The following WNT2 variants were observed in gnomAD, a reference collection of about 807,000 sequenced individuals.
WNT2 encodes Wnt family member 2.
WNT2 carries 12 observed loss-of-function variants against 36.9 expected under a neutral mutation model. That is an observed-to-expected ratio of 0.33 (90% CI 0.21 to 0.53). The LOEUF (loss-of-function observed/expected upper bound fraction) is 0.53. WNT2 is among the 20% of genes least tolerant of loss of function. WNT2 has a pLI of 0.95. For missense variants in WNT2, 379 were observed against 473.1 expected (o/e 0.80, Z 1.84); for synonymous variants, 163 against 174.6 (o/e 0.93, Z 0.52).
In WNT2 at chr7:117,315,051, G is replaced by GCA; in HGVS notation, c.588+18_588+19dup. ...TAAAGCCATGCAGCCTACAAAATGA[G>GCA]CACCGTTGCATTTCCATACCTTCCT... On this transcript the variant is annotated intron_variant, in intron 3 of 4. Coordinates refer to ENST00000265441, the MANE Select transcript of WNT2 (RefSeq NM_003391.3). The GCA allele has an allele frequency of 6.2e-7, 1 of 1,611,634 alleles. No individual in the cohort carries two copies. Among genetic ancestry groups the GCA allele is most frequent in the Non-Finnish European group, 8.5e-7 (1 of 1,178,564 alleles).
At chr7:117,292,956 C>A (rs1241245936) in intron 4 of WNT2, among the ~76,000 whole-genome samples, 1 of 151,990 alleles carries the variant, frequency 6.6e-6, no homozygotes. Flanking sequence ...ATTTTTCAAA[C>A]TTTGAGGTGT....
intron 3 of WNT2, among the ~76,000 whole-genome samples, chr7:117,304,055 CT>C (rs1180689003): frequency 1.3e-5 from 2 of 152,174 alleles, no homozygotes; most frequent in Non-Finnish European, 2.9e-5. Flanking sequence ...TGTATTCCTC[CT>C]TTTTGCTGCA....
chr7:117,278,595 G>A (rs557864688), intron 4 of WNT2, among the ~76,000 whole-genome samples: 17 of 152,216 alleles, frequency 1.1e-4, no homozygotes, highest in African/African-American at 2.9e-4. Context: ...TGAGAGGGCC[G>A]AGTCCCAAAA....
At chr7:117,316,209 G>T (rs1795213947) in intron 2 of WNT2, among the ~76,000 whole-genome samples, 1 of 152,148 alleles carries the variant, frequency 6.6e-6, no homozygotes, top group South Asian at 2.1e-4. Flanking sequence ...TAGAGCACAG[G>T]CTACTTTCAC....
intron 4 of WNT2, among the ~76,000 whole-genome samples, chr7:117,290,311 G>A (rs1430666187): frequency 6.6e-6 from 1 of 152,192 alleles, no homozygotes; most frequent in East Asian, 1.9e-4. Flanking sequence ...AGTTATTGGA[G>A]CAGGAGGAAA....
chr7:117,282,852 G>C (rs1676962638), intron 4 of WNT2, among the ~76,000 whole-genome samples: 1 of 152,200 alleles, frequency 6.6e-6, no homozygotes, highest in Non-Finnish European at 1.5e-5. Flanking sequence ...CAGACTCTGG[G>C]CAGGACATGA....
chr7:117,318,655 A>C (rs1795264701), intron 2 of WNT2, among the ~76,000 whole-genome samples: 1 of 152,166 alleles, frequency 6.6e-6, no homozygotes. Context: ...TTCATTCCTC[A>C]GCCTCCCAAG....
intron 3 of WNT2, among the ~76,000 whole-genome samples, chr7:117,308,396 GC>G (rs1562829074): frequency 6.6e-6 from 1 of 152,074 alleles, no homozygotes; most frequent in Non-Finnish European, 1.5e-5. Context: ...GACTAATGAG[GC>G]AAGTCTAAAA....
At chr7:117,302,370 T>G (rs1584688134) in intron 3 of WNT2, among the ~76,000 whole-genome samples, 1 of 152,342 alleles carries the variant, frequency 6.6e-6, no homozygotes, top group East Asian at 1.9e-4. Context: ...ATGTCAATTT[T>G]TTTAACTTGA....
At chr7:117,316,857 G>A (rs1795229700) in intron 2 of WNT2, among the ~76,000 whole-genome samples, 1 of 152,160 alleles carries the variant, frequency 6.6e-6, no homozygotes, top group African/African-American at 2.4e-5. Flanking sequence ...AAGAGTCCCA[G>A]CTTATACTAT....
In WNT2 at chr7:117,278,051, T is replaced by A; in HGVS notation, c.*104A>T. On this transcript the variant is annotated 3_prime_UTR_variant, in exon 5 of 5. Coordinates refer to ENST00000265441, the MANE Select transcript of WNT2 (RefSeq NM_003391.3). ...GGCTTCCGTTGAGATAAAGGCCACA[T>A]GCCTTAGGAAATATCCCCCCAGAAA... is the stretch of plus-strand genomic sequence containing the variant. 3 of 1,344,612 alleles carry A rather than the reference T, an allele frequency of 2.2e-6. No individual in the cohort carries two copies. Among genetic ancestry groups the A allele is most frequent in the Non-Finnish European group, 3.1e-6 (3 of 964,490 alleles). The allele number at this position is 1,344,612 out of a possible 1,614,324, so 83.3% of individuals were successfully genotyped here.
chr7:117,316,188 T>C (rs191338093), intron 2 of WNT2, among the ~76,000 whole-genome samples: 5 of 152,332 alleles, frequency 3.3e-5, no homozygotes, highest in African/African-American at 4.8e-5. Context: ...TTTCTTAGAA[T>C]TGTTCTTTAT....
chr7:117,278,128 G>C lies in WNT2; in HGVS notation c.*27C>G. On this transcript the variant is annotated 3_prime_UTR_variant, in exon 5 of 5. Coordinates refer to ENST00000265441, the MANE Select transcript of WNT2 (RefSeq NM_003391.3). Reference sequence around the variant, plus strand: ...GATCCAATGGAGTCCTTGTAGAAGGGAAGGTGGATGGTGACGCCTGCTGGG... The same window carrying C: ...GATCCAATGGAGTCCTTGTAGAAGGCAAGGTGGATGGTGACGCCTGCTGGG... The C allele has an allele frequency of 1.9e-6, 3 of 1,611,402 alleles. No homozygotes were observed. Among genetic ancestry groups the C allele is most frequent in the Non-Finnish European group, 2.5e-6 (3 of 1,177,676 alleles).
chr7:117,279,255 A>T (rs569846403), intron 4 of WNT2, among the ~76,000 whole-genome samples: 1 of 152,322 alleles, frequency 6.6e-6, no homozygotes, highest in South Asian at 2.1e-4. Flanking sequence ...ATTCTTTTAT[A>T]AGCACATTAT....
At chr7:117,296,128 G>A (rs771653392) in intron 4 of WNT2, among the ~76,000 whole-genome samples, 1 of 152,194 alleles carries the variant, frequency 6.6e-6, no homozygotes, top group African/African-American at 2.4e-5. Flanking sequence ...GACTGGTAGA[G>A]GGGGGTCAGA....
rs1172478824 is a variant in WNT2 at position 117,315,166 on chromosome 7, T to C, written c.493A>G (p.Ile165Val). ...TCCACAAATGCGCGGGCAAATTTGA[T>C]CCCATAGTCAATGTTATCACTGCAG... is the stretch of plus-strand genomic sequence containing the variant. Reference protein sequence around the residue: ...GGCSDNIDYGIKFARAFVDAK... With the variant: ...GGCSDNIDYGVKFARAFVDAK... The change falls in exon 3 of 5, where the codon ATC (isoleucine) becomes GTC (valine). Residue 165 changes from isoleucine to valine, a missense_variant. Physicochemically the swap from Ile to Val is conservative, Grantham distance 29. Transcript: ENST00000265441. The C allele has an allele frequency of 6.2e-7, 1 of 1,614,092 alleles. No homozygotes were observed. Among genetic ancestry groups the C allele is most frequent in the African/African-American group, 1.3e-5 (1 of 74,948 alleles).
chr7:117,316,639 A>T (rs1795224828), intron 2 of WNT2, among the ~76,000 whole-genome samples: 1 of 151,766 alleles, frequency 6.6e-6, no homozygotes. Flanking sequence ...TGCTAGTCTC[A>T]TTATTAAAAA....
At position 117,321,285 on chromosome 7, in the gene WNT2, C is replaced by A. The variant is rs1298965390; in HGVS notation, c.84-492G>T. 2.6e-5 allele frequency among the ~76,000 whole-genome samples: 4 copies of A among 152,226 alleles called. No homozygotes were observed. In the East Asian group the frequency reaches 7.7e-4, roughly 29 times the overall value. On this transcript the variant is annotated intron_variant, in intron 1 of 4. Transcript: ENST00000265441. ...AAACTGTCTGTATCTGTCTAATCAA[C>A]ACCCGCTGGTATCTGATGTTACACT...
chr7:117,277,837 C>T lies in WNT2; in HGVS notation c.*318G>A, dbSNP rs532878164. The T allele has an allele frequency of 1.5e-4, 48 of 319,586 alleles. No individual in the cohort carries two copies. The highest frequency in any genetic ancestry group is 5.0e-4 in the African/African-American group (24 of 48,074). 19.8% of individuals were successfully genotyped at this position (319,586 alleles called of 1,614,324 possible). ...GGCCAACTGCTCTAGAAAGAAGAAACGTCAAGGTGGGTGGAGACAGTGGTC... is the reference window on the plus strand; with the variant it reads ...GGCCAACTGCTCTAGAAAGAAGAAATGTCAAGGTGGGTGGAGACAGTGGTC... On this transcript the variant is annotated 3_prime_UTR_variant, in exon 5 of 5. Transcript: ENST00000265441.
Sources: gnomAD v4.1 joint callset for allele counts (sites outside exome capture counted in the v4.1 genomes callset) on GRCh38, gnomAD v4.1.1 for gene constraint, MANE v1.5 for transcripts, NCBI Gene and HGNC (gene_info 2026-07-23, HGNC 2026-07-21) for gene names.